Variants in PIK3CB observed in about 807,000 individuals in gnomAD.
The protein encoded by PIK3CB is phosphatidylinositol 4,5-bisphosphate 3-kinase catalytic subunit beta isoform.
In PIK3CB, 39 loss-of-function variants were observed where a neutral mutation model predicts 136.8. That is an observed-to-expected ratio of 0.29 (90% CI 0.22 to 0.37). The LOEUF (loss-of-function observed/expected upper bound fraction) is 0.37, where lower values mean the gene tolerates loss of function less well. Ranked by LOEUF, PIK3CB falls within the 10% of genes least tolerant of loss-of-function variation. The pLI, the probability that PIK3CB is intolerant of heterozygous loss-of-function variation, is 1.00. For synonymous variants in PIK3CB, 428 were observed against 436.6 expected (o/e 0.98, Z 0.25); for missense variants, 868 against 1,275.4 (o/e 0.68, Z 4.87).
intron 5 of PIK3CB, among the ~76,000 whole-genome samples, chr3:138,740,337 G>A (rs1348199794): frequency 6.6e-6 from 1 of 152,184 alleles, no homozygotes; most frequent in African/African-American, 2.4e-5. Context: ...CAGCCTGGAC[G>A]ACAAAGTGAA....
intron 21 of PIK3CB, among the ~76,000 whole-genome samples, chr3:138,661,364 T>C (rs1266407784): frequency 3.9e-5 from 6 of 152,196 alleles, no homozygotes; most frequent in Admixed American, 2.6e-4. Context: ...AGAGCTTTTA[T>C]GGGACTTGCG....
At chr3:138,710,302 G>GAC (rs148221283) in intron 10 of PIK3CB, among the ~76,000 whole-genome samples, 4,340 of 151,276 alleles carry the variant, frequency 0.029, 204 homozygotes, top group African/African-American at 0.099. Flanking sequence ...GGAATAGAAG[G>GAC]ACACACACAC....
chr3:138,783,742 T>G (rs968944393), intron 2 of PIK3CB, among the ~76,000 whole-genome samples: 4 of 151,994 alleles, frequency 2.6e-5, no homozygotes, highest in Non-Finnish European at 5.9e-5. Context: ...GTAGGTCAAA[T>G]TAAGGTGCTG....
At chr3:138,829,384 A>G (rs1296486272) in intron 1 of PIK3CB, among the ~76,000 whole-genome samples, 1 of 152,206 alleles carries the variant, frequency 6.6e-6, no homozygotes, top group Non-Finnish European at 1.5e-5. Context: ...GCTGTGTGAA[A>G]AATAGAGTAA....
intron 4 of PIK3CB, among the ~76,000 whole-genome samples, chr3:138,755,145 C>G (rs1451059771): frequency 6.6e-6 from 1 of 152,104 alleles, no homozygotes; most frequent in Non-Finnish European, 1.5e-5. Flanking sequence ...TAAAATTTGT[C>G]AATAATTTAT....
At chr3:138,807,878 C>T (rs1276767046) in intron 1 of PIK3CB, among the ~76,000 whole-genome samples, 1 of 149,924 alleles carries the variant, frequency 6.7e-6, no homozygotes, top group African/African-American at 2.5e-5. Context: ...CTGGGGAAGA[C>T]AGCAAGATCC....
chr3:138,737,783 C>T lies in PIK3CB; in HGVS notation c.725G>A (p.Ser242Asn), dbSNP rs764472641. The T allele has an allele frequency of 1.2e-5, 19 of 1,612,254 alleles. 2 individuals carry two copies. In the South Asian group the frequency reaches 2.0e-4, roughly 17 times the overall value. The change falls in exon 6 of 24, where the codon AGC becomes AAC. Residue 242 changes from serine (S) to asparagine (N), a missense_variant. By Grantham distance (46) the Ser-to-Asn change is conservative. This residue lies in a region of PIK3CB where 612 missense variants were observed against 801.1 expected (regional missense o/e 0.76). Coordinates refer to ENST00000674063, the MANE Select transcript of PIK3CB (RefSeq NM_006219.3). ...LTIHGKEDEVSPYDYVLQVSG... is the reference protein window; with the variant it reads ...LTIHGKEDEVNPYDYVLQVSG... ...GACTTGCAACACATAATCATAGGGG[C>T]TAACTTCATCTTCCTTCCCATGAAT...
intron 6 of PIK3CB, among the ~76,000 whole-genome samples, chr3:138,735,481 T>G (rs2045083680): frequency 6.6e-6 from 1 of 152,196 alleles, no homozygotes; most frequent in Non-Finnish European, 1.5e-5. Flanking sequence ...CAGCCATACT[T>G]TCAGCTTGGC....
intron 1 of PIK3CB, among the ~76,000 whole-genome samples, chr3:138,814,344 G>C (rs1030451237): frequency 1.3e-5 from 2 of 151,946 alleles, no homozygotes; most frequent in Non-Finnish European, 2.9e-5. Context: ...CAGGTGTGGT[G>C]GTGGGCGCCT....
At chr3:138,712,644 G>A (rs2044527249) in intron 9 of PIK3CB, among the ~76,000 whole-genome samples, 1 of 148,042 alleles carries the variant, frequency 6.8e-6, no homozygotes, top group Admixed American at 6.8e-5. Context: ...TCGGCTCACT[G>A]CAACCTCCAC....
chr3:138,782,704 T>TA (rs1354747996), intron 2 of PIK3CB, among the ~76,000 whole-genome samples: 3 of 152,186 alleles, frequency 2.0e-5, no homozygotes, highest in African/African-American at 7.2e-5. Context: ...GTGTGACACT[T>TA]ACACCTTCTC....
rs535916401 is a variant in PIK3CB, at chr3:138,677,812, T to G, written c.2504+4155A>C. ...CGGGAGGCTGAGGCAGGAGAATCAC[T>G]TGAACCTGGGAGGCGGAGGTTGCAG... is the stretch of plus-strand genomic sequence containing the variant. On this transcript the variant is annotated intron_variant, in intron 19 of 23. Coordinates refer to ENST00000674063, the MANE Select transcript of PIK3CB (RefSeq NM_006219.3). 2.2e-4 allele frequency among the ~76,000 whole-genome samples: 33 copies of G among 152,224 alleles called. No individual in the cohort carries two copies. The East Asian group carries it at 3.7e-3, about 17-fold the overall frequency.
chr3:138,758,878 G>GA (rs2045619504), intron 3 of PIK3CB, among the ~76,000 whole-genome samples: 1 of 152,136 alleles, frequency 6.6e-6, no homozygotes, highest in South Asian at 2.1e-4. Context: ...AGGAAAGGGG[G>GA]AAGAGAAGAA....
intron 7 of PIK3CB, among the ~76,000 whole-genome samples, chr3:138,733,962 G>A (rs2108642054): frequency 6.6e-6 from 1 of 152,194 alleles, no homozygotes; most frequent in East Asian, 1.9e-4. Flanking sequence ...TTCCACTAAT[G>A]CTAAGAGATT....
intron 15 of PIK3CB, 21 bp from the exon 16 acceptor site, chr3:138,688,995 C>A: frequency 6.9e-7 from 1 of 1,448,262 alleles, no homozygotes; most frequent in Admixed American, 1.7e-5. Context: ...TTAATGATAT[C>A]TGAACAGTTT....
chr3:138,711,002 T>G (rs187774175), intron 10 of PIK3CB, among the ~76,000 whole-genome samples: 93 of 151,672 alleles, frequency 6.1e-4, no homozygotes, highest in African/African-American at 2.0e-3. Flanking sequence ...GAGAATGGCA[T>G]GAACCCAGGA....
At chr3:138,794,925 T>C (rs2046091931) in intron 2 of PIK3CB, among the ~76,000 whole-genome samples, 1 of 152,058 alleles carries the variant, frequency 6.6e-6, no homozygotes, top group South Asian at 2.1e-4. Context: ...ACACCTGTAA[T>C]CCCATCAAGA....
intron 2 of PIK3CB, among the ~76,000 whole-genome samples, chr3:138,762,261 A>C (rs2045673530): frequency 6.6e-6 from 1 of 152,204 alleles, no homozygotes; most frequent in Admixed American, 6.6e-5. Flanking sequence ...AAAAAAACAA[A>C]AAACAAACAA....
chr3:138,761,356 T>C (rs1337464056), intron 2 of PIK3CB, among the ~76,000 whole-genome samples: 3 of 152,326 alleles, frequency 2.0e-5, no homozygotes, highest in South Asian at 2.1e-4. Context: ...AATTATATGG[T>C]TTCTCCAGCT....
Sources: allele counts gnomAD v4.1 joint callset (sites outside exome capture counted in the v4.1 genomes callset), GRCh38; gene constraint gnomAD v4.1.1; regional missense constraint gnomAD v4.1.1; transcripts MANE v1.5; gene names NCBI Gene and HGNC (gene_info 2026-07-23, HGNC 2026-07-21).